The following RBFOX1 variants were observed in gnomAD, a reference collection of about 807,000 sequenced individuals.
RBFOX1 encodes RNA binding protein fox-1 homolog 1.
A neutral mutation model predicts 57.7 loss-of-function variants in RBFOX1; 8 were observed. That is an observed-to-expected ratio of 0.14 (90% CI 0.08 to 0.25). RBFOX1 has a LOEUF of 0.25. RBFOX1 is among the 10% of genes least tolerant of loss of function. The pLI is 1.00. For missense variants in RBFOX1, 611 were observed against 548.5 expected (o/e 1.11, Z -1.14); for synonymous variants, 326 against 222.4 (o/e 1.47, Z -4.15).
At chr16:7,273,873 C>A (rs1478804797) in intron 4 of RBFOX1, among the ~76,000 whole-genome samples, 1 of 152,272 alleles carries the variant, frequency 6.6e-6, no homozygotes, top group East Asian at 1.9e-4. Flanking sequence ...TCATTATCTG[C>A]CATACGTAAA....
At chr16:6,129,070 A>C (rs1298508396) in intron 1 of RBFOX1, among the ~76,000 whole-genome samples, 4 of 145,250 alleles carry the variant, frequency 2.8e-5, no homozygotes, top group Non-Finnish European at 6.2e-5. Context: ...TTATTAGCAC[A>C]ATCTGGATTT....
At chr16:6,894,999 C>T (rs1312152468) in intron 3 of RBFOX1, among the ~76,000 whole-genome samples, 3 of 152,088 alleles carry the variant, frequency 2.0e-5, no homozygotes, top group African/African-American at 7.2e-5. Context: ...TGAAAATTAC[C>T]ACTAAACAAC....
At chr16:7,235,543 A>G (rs997812620) in intron 4 of RBFOX1, among the ~76,000 whole-genome samples, 2 of 152,196 alleles carry the variant, frequency 1.3e-5, no homozygotes, top group Admixed American at 6.5e-5. Context: ...TCGCTTATGT[A>G]CATTGAATGG....
Position 6,019,781 on chromosome 16 carries a change from C to A in RBFOX1, c.-338C>A. 4 of 1,441,428 alleles carry A rather than the reference C, an allele frequency of 2.8e-6. No individual in the cohort carries two copies. Among genetic ancestry groups the A allele is most frequent in the South Asian group, 1.4e-5 (1 of 71,630 alleles). 89.3% of individuals were successfully genotyped at this position (1,441,428 alleles called of 1,614,324 possible). ...ACCCCCACCCAGTGGCCGCCAGGGTCCCCGCCTGTCCGGACCCTCGCCGCG... is the reference window on the plus strand; with the variant it reads ...ACCCCCACCCAGTGGCCGCCAGGGTACCCGCCTGTCCGGACCCTCGCCGCG... On this transcript the variant is annotated 5_prime_UTR_variant, in exon 1 of 16. Transcript: ENST00000550418. The surrounding 1 kb of genome is among the most constrained non-coding windows in gnomAD (Gnocchi z 4.2).
At chr16:6,885,625 G>T (rs964593289) in intron 3 of RBFOX1, among the ~76,000 whole-genome samples, 8 of 151,896 alleles carry the variant, frequency 5.3e-5, no homozygotes, top group African/African-American at 1.5e-4. Flanking sequence ...TCTGCCTCCT[G>T]AGTTCAAGTG....
At chr16:6,178,085 C>T (rs1434294064) in intron 1 of RBFOX1, among the ~76,000 whole-genome samples, 1 of 151,690 alleles carries the variant, frequency 6.6e-6, no homozygotes, top group Non-Finnish European at 1.5e-5. Context: ...TGCTTCCTAA[C>T]CAACAGAAGG....
At chr16:6,733,053 C>A (rs143358818) in intron 3 of RBFOX1, among the ~76,000 whole-genome samples, 2 of 152,164 alleles carry the variant, frequency 1.3e-5, no homozygotes, top group African/African-American at 4.8e-5. Flanking sequence ...TATTAAGAGA[C>A]GTCAACATCT....
chr16:7,167,043 T>C (rs2079699494), intron 4 of RBFOX1, among the ~76,000 whole-genome samples: 1 of 132,040 alleles, frequency 7.6e-6, no homozygotes, highest in Admixed American at 9.0e-5. Flanking sequence ...TGGAGTGCAG[T>C]GGTGTGATCT....
chr16:7,709,982 T>C, intron 15 of RBFOX1: 2 of 1,008,560 alleles, frequency 2.0e-6, no homozygotes, highest in Non-Finnish European at 2.4e-6. Context: ...CCAATACTTT[T>C]AGAAAAAGGA....
rs185268219 is a variant in RBFOX1 at position 5,375,322 on chromosome 16, G to C, written c.220-91894G>C. On this transcript the variant is annotated intron_variant, in intron 1 of 2. Coordinates refer to the RBFOX1 transcript ENST00000585867. ...ACCCACCATAGGGAAAACTGTTCTA[G>C]GGAGCGGGAGTGAAGAGGACAGTGA... Among the ~76,000 whole-genome samples the C allele has an allele frequency of 4.7e-3, 714 of 152,266 alleles. 15 individuals are homozygous for C. Among genetic ancestry groups the C allele is most frequent in the Admixed American group, 0.041 (632 of 15,290 alleles).
intron 2 of RBFOX1, chr16:6,483,525 T>G: frequency 6.5e-7 from 1 of 1,535,574 alleles, no homozygotes; most frequent in East Asian, 2.4e-5. Context: ...CTAATTGCAG[T>G]CGTGGGAGAT....
At chr16:7,530,739 A>G (rs866251811) in intron 5 of RBFOX1, among the ~76,000 whole-genome samples, 1 of 152,312 alleles carries the variant, frequency 6.6e-6, no homozygotes, top group Middle Eastern at 3.4e-3. Flanking sequence ...GCTAGGTCCA[A>G]GTGACTGTAC....
intron 10 of RBFOX1, among the ~76,000 whole-genome samples, chr16:7,608,337 C>G (rs1411875240): frequency 2.0e-5 from 3 of 151,492 alleles, no homozygotes; most frequent in South Asian, 4.1e-4. Context: ...GGCACAACAA[C>G]CAGTCTGACA....
intron 3 of RBFOX1, among the ~76,000 whole-genome samples, chr16:6,763,476 A>G (rs899163855): frequency 6.6e-6 from 1 of 152,308 alleles, no homozygotes; most frequent in Admixed American, 6.5e-5. Context: ...CACAAGCGTA[A>G]TGGCAGATGT....
chr16:5,581,061 C>T lies in RBFOX1; in HGVS notation c.259-17841C>T, dbSNP rs142258901. Among the ~76,000 whole-genome samples, 155 of 152,324 alleles carry T rather than the reference C, an allele frequency of 1.0e-3. 2 individuals carry two copies. In the South Asian group the frequency reaches 0.014, roughly 13 times the overall value. On this transcript the variant is annotated intron_variant, in intron 2 of 2. Coordinates refer to the RBFOX1 transcript ENST00000585867. ...TTTTTAATGAACCGGAAAGCGTTGT[C>T]TGTCTTCTTAGGTAAATGCAAATAT... is the stretch of plus-strand genomic sequence containing the variant.
intron 14 of RBFOX1, among the ~76,000 whole-genome samples, chr16:7,677,963 C>T (rs1459243992): frequency 2.6e-5 from 4 of 152,260 alleles, no homozygotes; most frequent in East Asian, 3.9e-4. Context: ...TCTCACGAGA[C>T]GTGGTGTTAG....
chr16:6,457,397 G>A (rs1006392355), intron 2 of RBFOX1, among the ~76,000 whole-genome samples: 1 of 148,556 alleles, frequency 6.7e-6, no homozygotes, highest in Admixed American at 6.8e-5. Context: ...CACATCTCTG[G>A]GCCCTTGTGT....
chr16:7,431,741 CAA>C (rs544678721), intron 4 of RBFOX1, among the ~76,000 whole-genome samples: 1 of 152,164 alleles, frequency 6.6e-6, no homozygotes, highest in South Asian at 2.1e-4. Flanking sequence ...TGCTACAGAA[CAA>C]AGACATGGAG....
chr16:6,942,262 C>T (rs569212402), intron 3 of RBFOX1, among the ~76,000 whole-genome samples: 2 of 151,964 alleles, frequency 1.3e-5, no homozygotes, highest in Admixed American at 6.6e-5. Context: ...CCTGACTGAC[C>T]GAGTGAGACT....
Sources: allele counts gnomAD v4.1 joint callset (sites outside exome capture counted in the v4.1 genomes callset), GRCh38; gene constraint gnomAD v4.1.1; non-coding constraint Gnocchi (gnomAD v3.1); transcripts MANE v1.5; gene names NCBI Gene and HGNC (gene_info 2026-07-23, HGNC 2026-07-21).